Variants in NRG1 observed in about 807,000 individuals in gnomAD.
The protein encoded by NRG1 is neuregulin 1.
NRG1 carries 18 observed loss-of-function variants against 63.8 expected under a neutral mutation model. The observed-to-expected ratio is 0.28, with a 90% CI of 0.19 to 0.42. NRG1 has a LOEUF of 0.42. Among genes scored for constraint, NRG1 ranks in the 10% least tolerant of loss-of-function variants. The pLI, the probability that NRG1 is intolerant of heterozygous loss-of-function variation, is 1.00. For missense variants in NRG1, 762 were observed against 814.7 expected (o/e 0.94, Z 0.79); for synonymous variants, 302 against 301.3 (o/e 1.00, Z -0.02).
At chr8:32,653,520 C>A (rs1440056905) in intron 5 of NRG1, among the ~76,000 whole-genome samples, 1 of 152,150 alleles carries the variant, frequency 6.6e-6, no homozygotes, top group African/African-American at 2.4e-5. Context: ...GGTGATTCAC[C>A]ATATGGCACT....
At chr8:31,777,219 T>A (rs2131597106) in intron 1 of NRG1, among the ~76,000 whole-genome samples, 1 of 152,366 alleles carries the variant, frequency 6.6e-6, no homozygotes, top group Admixed American at 6.5e-5. Flanking sequence ...GAGAGCAGCA[T>A]ACCTGTAATA....
chr8:31,798,862 A>T (rs1821486572), intron 1 of NRG1, among the ~76,000 whole-genome samples: 1 of 152,000 alleles, frequency 6.6e-6, no homozygotes, highest in Non-Finnish European at 1.5e-5. Context: ...ATATTCCTTT[A>T]CTTCCTCCAT....
At chr8:31,854,888 G>A (rs1448065467) in intron 1 of NRG1, among the ~76,000 whole-genome samples, 7 of 152,122 alleles carry the variant, frequency 4.6e-5, no homozygotes, top group Non-Finnish European at 7.4e-5. Context: ...TCATTCAGGA[G>A]CAGGTTGTTC....
intron 1 of NRG1, among the ~76,000 whole-genome samples, chr8:31,701,506 C>G (rs911041846): frequency 2.6e-5 from 4 of 151,910 alleles, no homozygotes; most frequent in African/African-American, 9.7e-5. Flanking sequence ...CTAGATTTGC[C>G]TGGTAAATCC....
chr8:32,116,945 C>A (rs1563805579), intron 1 of NRG1, among the ~76,000 whole-genome samples: 1 of 123,236 alleles, frequency 8.1e-6, no homozygotes. Context: ...AGTTTGAAAC[C>A]AACCAATATA....
intron 1 of NRG1, among the ~76,000 whole-genome samples, chr8:31,979,442 C>A (rs938379420): frequency 3.9e-5 from 6 of 152,044 alleles, no homozygotes; most frequent in Non-Finnish European, 7.4e-5. Context: ...GTCTTGTCTG[C>A]CTCGTCAAAT....
At chr8:32,006,571 A>G (rs1051510591) in intron 1 of NRG1, among the ~76,000 whole-genome samples, 2 of 152,052 alleles carry the variant, frequency 1.3e-5, no homozygotes, top group Admixed American at 1.3e-4. Context: ...AGGGAAAGTC[A>G]GAGGAATTCA....
intron 5 of NRG1, among the ~76,000 whole-genome samples, chr8:32,700,292 G>A (rs914720381): frequency 1.7e-4 from 26 of 152,114 alleles, no homozygotes; most frequent in African/African-American, 6.0e-4. Flanking sequence ...ATTTCAATAT[G>A]TATAACTGGT....
At chr8:32,183,265 C>T (rs1841622072) in intron 1 of NRG1, among the ~76,000 whole-genome samples, 1 of 152,114 alleles carries the variant, frequency 6.6e-6, no homozygotes, top group Admixed American at 6.6e-5. Flanking sequence ...GTCACAAAGG[C>T]CAAGATTTCT....
rs189024289 is a variant in NRG1 at position 32,537,467 on chromosome 8, A to C, written c.38-58361A>C. On this transcript the variant is annotated intron_variant, in intron 1 of 10. Transcript: ENST00000519301. ...AGCTGTAAGGGCATTGGCCAGGGAT[A>C]ATTCAGAATTACCTTTTCACTAATT... Among the ~76,000 whole-genome samples the C allele has an allele frequency of 1.2e-3, 189 of 152,306 alleles. 1 individual carries two copies. Among genetic ancestry groups the C allele is most frequent in the African/African-American group, 4.2e-3 (173 of 41,570 alleles).
intron 1 of NRG1, among the ~76,000 whole-genome samples, chr8:32,525,837 C>T (rs1329070278): frequency 6.6e-6 from 1 of 152,076 alleles, no homozygotes; most frequent in East Asian, 1.9e-4. Flanking sequence ...TTTATAGGAG[C>T]ATAGATTTCA....
chr8:32,229,413 A>G (rs1240903850), intron 1 of NRG1, among the ~76,000 whole-genome samples: 2 of 152,176 alleles, frequency 1.3e-5, no homozygotes, highest in Non-Finnish European at 2.9e-5. Flanking sequence ...CGAGTGAACA[A>G]CATCACTAGG....
chr8:32,056,672 G>C (rs556926673), intron 1 of NRG1, among the ~76,000 whole-genome samples: 1 of 152,190 alleles, frequency 6.6e-6, no homozygotes, highest in South Asian at 2.1e-4. Context: ...TCAACTCACT[G>C]CAGTCCTTGG....
At chr8:31,671,005 TATC>T (rs1388779242) in intron 1 of NRG1, among the ~76,000 whole-genome samples, 13 of 152,214 alleles carry the variant, frequency 8.5e-5, no homozygotes, top group Admixed American at 4.6e-4. Flanking sequence ...CCCATCTTTA[TATC>T]CAAGTGTACT....
At chr8:31,852,970 ATC>A (rs1435599028) in intron 1 of NRG1, among the ~76,000 whole-genome samples, 156 of 151,964 alleles carry the variant, frequency 1.0e-3, no homozygotes, top group African/African-American at 3.6e-3. Context: ...ATTGATCTAT[ATC>A]TCTGTTTTGG....
intron 1 of NRG1, among the ~76,000 whole-genome samples, chr8:31,872,948 G>T (rs951189050): frequency 1.3e-5 from 2 of 152,004 alleles, no homozygotes; most frequent in African/African-American, 4.8e-5. Flanking sequence ...AGGCATATTT[G>T]GTTTCATATA....
chr8:31,661,602 T>C (rs1291002500), intron 1 of NRG1, among the ~76,000 whole-genome samples: 1 of 152,214 alleles, frequency 6.6e-6, no homozygotes, highest in Non-Finnish European at 1.5e-5. Context: ...ATGAAGCAAA[T>C]GCACTCTAAA....
intron 4 of NRG1, 83 bp from the exon 5 acceptor site, chr8:32,616,752 A>T (rs1295772168): frequency 9.8e-7 from 1 of 1,023,280 alleles, no homozygotes; most frequent in Non-Finnish European, 1.6e-6. Flanking sequence ...TTACTAGGCG[A>T]TACCCAAGCC....
chr8:32,000,372 C>CTTTT (rs1204639824), intron 1 of NRG1, among the ~76,000 whole-genome samples: 1 of 150,924 alleles, frequency 6.6e-6, no homozygotes, highest in Non-Finnish European at 1.5e-5. Flanking sequence ...TCACCTTGTT[C>CTTTT]TTTTTTTTTA....
Sources: gnomAD v4.1 joint callset for allele counts (sites outside exome capture counted in the v4.1 genomes callset) on GRCh38, gnomAD v4.1.1 for gene constraint, MANE v1.5 for transcripts, NCBI Gene and HGNC (gene_info 2026-07-23, HGNC 2026-07-21) for gene names.